The following MUC5AC variants were observed in gnomAD, a reference collection of about 807,000 sequenced individuals.
The protein encoded by MUC5AC is mucin 5AC, oligomeric mucus/gel-forming, also known as mucin-5AC.
A neutral mutation model predicts 169.7 loss-of-function variants in MUC5AC; 158 were observed. The ratio of observed to expected loss-of-function variants is 0.93; its 90% CI spans 0.82 to 1.06. The LOEUF (loss-of-function observed/expected upper bound fraction) is 1.06. Among genes scored for constraint, MUC5AC ranks in the 50% least tolerant of loss-of-function variants. The pLI is 0.00. For missense variants in MUC5AC, 4,359 were observed against 3,089.9 expected (o/e 1.41, Z -9.74); for synonymous variants, 1,975 against 1,237.0 (o/e 1.60, Z -12.52).
rs373578098 is a variant in MUC5AC at position 1,194,153 on chromosome 11, C to T, written c.14799C>T (p.Asp4933=). The change falls in exon 34 of 49, where the codon GAC becomes GAT. Residue 4933 remains aspartate, a synonymous_variant. Coordinates refer to ENST00000621226, the MANE Select transcript of MUC5AC (RefSeq NM_001304359.2). ...GWGDPHYITF[D]GTYYTFLDNC... ...GTGACCCCCACTACATCACCTTCGA[C>T]GGCACCTACTACACCTTCCTGGACA... 1.0e-3 allele frequency: 766 copies of T among 765,060 alleles called. 2 individuals are homozygous for T. Among genetic ancestry groups the T allele is most frequent in the African/African-American group, 5.3e-3 (316 of 59,278 alleles). The allele number at this position is 765,060 out of a possible 1,614,324, so 47.4% of individuals were successfully genotyped here. A position where few individuals can be genotyped will look rare whatever the true frequency, so the allele number is the denominator to read the frequency against.
At position 1,174,990 on chromosome 11, in the gene MUC5AC, G is replaced by C. The variant is rs1451911701; in HGVS notation, c.2201G>C (p.Gly734Ala). The C allele has an allele frequency of 7.4e-6, 3 of 405,944 alleles. No individual in the cohort carries two copies. The highest frequency in any genetic ancestry group is 1.3e-5 in the Non-Finnish European group (3 of 230,668). 25.1% of individuals were successfully genotyped at this position (405,944 alleles called of 1,614,324 possible). A position where few individuals can be genotyped will look rare whatever the true frequency, so the allele number is the denominator to read the frequency against. The change falls in exon 18 of 49, where the codon GGC becomes GCC. Residue 734 changes from glycine to alanine, a missense_variant. Physicochemically the swap from Gly to Ala is moderately conservative, Grantham distance 60 (BLOSUM62 0). Coordinates refer to ENST00000621226, the MANE Select transcript of MUC5AC (RefSeq NM_001304359.2). ...GAGGGGGACATCACCTGCAGTGTTG[G>C]CTTCATCCCCGTGGATGGCTGCATC... ...LSEGDITCSV[G>A]FIPVDGCICP...
rs2133756744 is a variant in MUC5AC, at chr11:1,185,437, G to C, written c.7292G>C (p.Ser2431Thr). 7.1e-6 allele frequency: 5 copies of C among 706,274 alleles called. No individual in the cohort carries two copies. The highest frequency in any genetic ancestry group is 5.8e-5 in the South Asian group (4 of 68,980). The allele number at this position is 706,274 out of a possible 1,614,324, so 43.8% of individuals were successfully genotyped here. ...TSAPTSSTTS[S>T]PQTSTTSAPT... ...GCCCCTACAAGCAGCACAACCTCCA[G>C]TCCACAGACCAGCACAACCTCGGCT... The change falls in exon 31 of 49, where the codon AGT (serine) becomes ACT (threonine). Residue 2431 changes from serine to threonine, a missense_variant. Transcript: ENST00000621226.
At position 1,193,536 on chromosome 11, in the gene MUC5AC, A is replaced by G. The variant is rs1564918068; in HGVS notation, c.14632A>G (p.Asn4878Asp). The change falls in exon 33 of 49, where the codon AAC becomes GAC. Residue 4878 changes from asparagine (N) to aspartate (D), a missense_variant. By Grantham distance (23) the Asn-to-Asp change is conservative. Transcript: ENST00000621226. Reference protein sequence around the residue: ...PNCSEATCEGNNVISLRPRTC... With the variant: ...PNCSEATCEGDNVISLRPRTC... ...CTGCTCCGAGGCCACCTGTGAGGGC[A>G]ACAACGTCATCTCCCTGCGCCCGCG... The G allele has an allele frequency of 6.6e-6, 5 of 761,402 alleles. No homozygotes were observed. Among genetic ancestry groups the G allele is most frequent in the Non-Finnish European group, 1.2e-5 (5 of 416,292 alleles). The allele number at this position is 761,402 out of a possible 1,614,324, so 47.2% of individuals were successfully genotyped here. A position where few individuals can be genotyped will look rare whatever the true frequency, so the allele number is the denominator to read the frequency against.
chr11:1,200,767 A>T lies in MUC5AC; in HGVS notation c.*65A>T. The T allele has an allele frequency of 1.5e-6, 1 of 667,198 alleles. No homozygotes were observed. Among genetic ancestry groups the T allele is most frequent in the Non-Finnish European group, 2.7e-6 (1 of 368,208 alleles). 41.3% of individuals were successfully genotyped at this position (667,198 alleles called of 1,614,324 possible). A position where few individuals can be genotyped will look rare whatever the true frequency, so the allele number is the denominator to read the frequency against. On this transcript the variant is annotated 3_prime_UTR_variant, in exon 49 of 49. Coordinates refer to ENST00000621226, the MANE Select transcript of MUC5AC (RefSeq NM_001304359.2). ...CATATGTCCTCTGAGCTCGGCTTCC[A>T]AGGCCAGTGGAACTTGTGCCCCTGT... is the stretch of plus-strand genomic sequence containing the variant.
In MUC5AC at chr11:1,186,162, A is replaced by C; in HGVS notation, c.8017A>C (p.Thr2673Pro). The C allele has an allele frequency of 4.0e-6, 3 of 746,438 alleles. No individual in the cohort carries two copies. In the South Asian group the frequency reaches 4.2e-5, roughly 10 times the overall value. The allele number at this position is 746,438 out of a possible 1,614,324, so 46.2% of individuals were successfully genotyped here. Residue 2673 changes from threonine to proline, a missense_variant, in exon 31 of 49, where the codon ACC becomes CCC. Thr to Pro is a conservative substitution (Grantham distance 38). Coordinates refer to ENST00000621226, the MANE Select transcript of MUC5AC (RefSeq NM_001304359.2). The stretch of plus-strand genomic sequence containing the variant: ...TACCACCAGCACAATCTCTGTTCCT[A>C]CCACCAGCACAACTTCTGCTTCTAC... ...VPTTSTISVP[T>P]TSTTSASTTS...
At chr11:1,195,760 G>A in intron 36 of MUC5AC, 116 bp from the exon 37 acceptor site, 1 of 620,280 alleles carries the variant, frequency 1.6e-6, no homozygotes, top group South Asian at 1.8e-5. Context: ...CCACACACCA[G>A]TGGCTGCTCT....
chr11:1,161,596 G>A lies in MUC5AC; in HGVS notation c.211+10G>A, dbSNP rs779111697. 6 of 1,607,456 alleles carry A rather than the reference G, an allele frequency of 3.7e-6. No individual in the cohort carries two copies. The East Asian group carries it at 6.7e-5, about 18-fold the overall frequency. ...ATCCCTGTGGTACGAGGTGAGTGGA[G>A]CCCGGAGGCCTGGGTGGGGAAGGGT... On this transcript the variant is annotated intron_variant, in intron 3 of 48. Transcript: ENST00000621226.
chr11:1,195,514 G>T (rs900318484), intron 36 of MUC5AC, among the ~76,000 whole-genome samples: 1 of 152,094 alleles, frequency 6.6e-6, no homozygotes, highest in Non-Finnish European at 1.5e-5. Context: ...TGCTGCCAAG[G>T]GGTCACCAGG....
intron 11 of MUC5AC, among the ~76,000 whole-genome samples, chr11:1,166,845 G>A (rs1487575140): frequency 1.0e-5 from 1 of 95,602 alleles, no homozygotes; most frequent in Non-Finnish European, 2.0e-5. Context: ...TCTCCACGAT[G>A]AGACCCTGCA....
chr11:1,176,014 ACATGCACTCACACCCACT>A (rs1215777866), intron 19 of MUC5AC, 119 bp from the exon 20 acceptor site: 42 of 396,718 alleles, frequency 1.1e-4, no homozygotes, highest in Non-Finnish European at 1.6e-4. Context: ...CCACTCATGC[ACATGCACTCACACCCACT>A]CATGCACACG....
In MUC5AC at chr11:1,182,279, A is replaced by G. The variant is rs879201833; in HGVS notation, c.4134A>G (p.Ser1378=). ...PRTRLPTASA[S]LPPVCGEKCL... ...CGAGGCTGCCCACAGCCTCTGCCTC[A>G]CTGCCGCCGGTCTGTGGGGAAAAGT... The change falls in exon 31 of 49, where the codon TCA becomes TCG. Residue 1378 remains serine, a synonymous_variant. Coordinates refer to ENST00000621226, the MANE Select transcript of MUC5AC (RefSeq NM_001304359.2). 0.26 allele frequency: 103,738 copies of G among 398,326 alleles called. 15,309 individuals carry two copies. Among genetic ancestry groups the G allele is most frequent in the African/African-American group, 0.47 (22,733 of 48,654 alleles). The allele number at this position is 398,326 out of a possible 1,614,324, so 24.7% of individuals were successfully genotyped here.
rs1860809240 is a variant in MUC5AC at position 1,181,289 on chromosome 11, A to G, written c.3839A>G (p.Asn1280Ser). 1 of 398,306 alleles carries G rather than the reference A, an allele frequency of 2.5e-6. No individual in the cohort carries two copies. The highest frequency in any genetic ancestry group is 4.4e-6 in the Non-Finnish European group (1 of 225,968). 24.7% of individuals were successfully genotyped at this position (398,306 alleles called of 1,614,324 possible). ...CCCATAGCCTGTGTCTGCACCTACA[A>G]TGGACAGCGCTTCCACCCAGGGGAC... is the stretch of plus-strand genomic sequence containing the variant. ...YKAEACVCTY[N>S]GQRFHPGDVI... Residue 1280 changes from asparagine to serine, a missense_variant, in exon 30 of 49, where the codon AAT becomes AGT. Asn to Ser is a conservative substitution (Grantham distance 46, BLOSUM62 1). Coordinates refer to ENST00000621226, the MANE Select transcript of MUC5AC (RefSeq NM_001304359.2).
chr11:1,187,694 T>G lies in MUC5AC; in HGVS notation c.9549T>G (p.Gly3183=). 1.3e-6 allele frequency: 1 copy of G among 764,746 alleles called. No homozygotes were observed. The highest frequency in any genetic ancestry group is 1.7e-5 in the Admixed American group (1 of 59,002). 47.4% of individuals were successfully genotyped at this position (764,746 alleles called of 1,614,324 possible). ...CCTCTACAACCAGCACAACCCCTGG[T>G]CCTGGAACCACTCCCAGCCCCGTTC... ...TSASTTSTTP[G]PGTTPSPVPT... is the part of the protein sequence containing the mutation. The change falls in exon 31 of 49, where the codon GGT becomes GGG. Residue 3183 remains glycine, a synonymous_variant. Transcript: ENST00000621226.
At chr11:1,171,659 A>G (rs1476379220) in intron 15 of MUC5AC, among the ~76,000 whole-genome samples, 1 of 125,466 alleles carries the variant, frequency 8.0e-6, no homozygotes, top group East Asian at 2.5e-4. Context: ...TCACTCACCC[A>G]TTCACCCACT....
rs1280855969 is a variant in MUC5AC, at chr11:1,168,423, CGCGGGGCTGAGGTG to C, written c.1498-59_1498-46del. ...ACCTGCAGGCACATTTCACAGCCTC[CGCGGGGCTGAGGTG>C]CCGCAAGCCTGCCCCGCGCTCACAC... On this transcript the variant is annotated intron_variant, in intron 12 of 48. Transcript: ENST00000621226. The C allele has an allele frequency of 2.6e-5, 40 of 1,527,278 alleles. No individual in the cohort carries two copies. The Middle Eastern group carries it at 5.1e-4, about 19-fold the overall frequency. 94.6% of individuals were successfully genotyped at this position (1,527,278 alleles called of 1,614,324 possible). A position where few individuals can be genotyped will look rare whatever the true frequency, so the allele number is the denominator to read the frequency against.
intron 41 of MUC5AC, 34 bp downstream of exon 41, chr11:1,197,673 G>C: frequency 4.5e-6 from 3 of 662,408 alleles, no homozygotes; most frequent in Non-Finnish European, 5.6e-6. Context: ...GCATGGTGTG[G>C]CAGGCAGGTG....
Position 1,183,667 on chromosome 11 carries a change from G to T in MUC5AC, c.5522G>T (p.Cys1841Phe). Residue 1841 changes from cysteine to phenylalanine, a missense_variant, in exon 31 of 49, where the codon TGC (cysteine) becomes TTC (phenylalanine). Physicochemically the swap from Cys to Phe is radical, Grantham distance 205. Transcript: ENST00000621226. ...AACTACGAGGTGCGTGTGCTCTGCTGCGAGACCCCCAGAGGCTGCCACATG... is the reference window on the plus strand; with the variant it reads ...AACTACGAGGTGCGTGTGCTCTGCTTCGAGACCCCCAGAGGCTGCCACATG... ...CLNYEVRVLCCETPRGCHMTS... is the reference protein window; with the variant it reads ...CLNYEVRVLCFETPRGCHMTS... The T allele has an allele frequency of 3.1e-6, 2 of 637,768 alleles. No homozygotes were observed. Among genetic ancestry groups the T allele is most frequent in the Non-Finnish European group, 2.8e-6 (1 of 356,934 alleles). The allele number at this position is 637,768 out of a possible 1,614,324, so 39.5% of individuals were successfully genotyped here.
chr11:1,199,323 G>A (rs78740076), intron 45 of MUC5AC, 48 bp from the exon 46 acceptor site: 449 of 701,144 alleles, frequency 6.4e-4, no homozygotes, highest in Non-Finnish European at 1.0e-3. Context: ...CAGACAGAGG[G>A]ACAGACGGAG....
At position 1,190,766 on chromosome 11, in the gene MUC5AC, C is replaced by T. The variant is rs1861070347; in HGVS notation, c.12621C>T (p.Thr4207=). 5 of 706,212 alleles carry T rather than the reference C, an allele frequency of 7.1e-6. No homozygotes were observed. In the Admixed American group the frequency reaches 9.9e-5, roughly 14 times the overall value. The allele number at this position is 706,212 out of a possible 1,614,324, so 43.7% of individuals were successfully genotyped here. ...PTSSTTSTPQ[T]SKTSAATSST... ...GCAGCACAACCTCCACTCCACAGAC[C>T]AGCAAAACCTCAGCTGCTACAAGCA... The change falls in exon 31 of 49, where the codon ACC becomes ACT. Residue 4207 remains threonine, a synonymous_variant. Coordinates refer to ENST00000621226, the MANE Select transcript of MUC5AC (RefSeq NM_001304359.2).
Sources: gnomAD v4.1 joint callset for allele counts (sites outside exome capture counted in the v4.1 genomes callset) on GRCh38, gnomAD v4.1.1 for gene constraint, MANE v1.5 for transcripts, NCBI Gene and HGNC (gene_info 2026-07-23, HGNC 2026-07-21) for gene names.